Variants in CD276 observed in about 807,000 individuals in gnomAD.
The protein encoded by CD276 is CD276 molecule.
A neutral mutation model predicts 50.0 loss-of-function variants in CD276; 34 were observed. The ratio of observed to expected loss-of-function variants is 0.68; its 90% CI spans 0.52 to 0.91. CD276 has a LOEUF of 0.91. CD276 is among the 40% of genes least tolerant of loss of function. The probability of loss-of-function intolerance (pLI) is 0.00; values close to 1 mark genes in which losing one functional copy is unlikely to be tolerated. For synonymous variants in CD276, 275 were observed against 313.0 expected, an observed-to-expected ratio of 0.88 and a Z score of 1.28; for missense variants, 634 against 717.5, an observed-to-expected ratio of 0.88 and a Z score of 1.33.
At chr15:73,694,658 C>T (rs910123738) in intron 1 of CD276, among the ~76,000 whole-genome samples, 8 of 152,018 alleles carry the variant, frequency 5.3e-5, no homozygotes, top group African/African-American at 1.9e-4. Flanking sequence ...CACACCACAT[C>T]TATGTTCCAG....
At chr15:73,702,710 A>C (rs535801324) in intron 3 of CD276, 62 bp from the exon 4 acceptor site, 1 of 1,574,486 alleles carries the variant, frequency 6.4e-7, no homozygotes, top group Non-Finnish European at 8.6e-7. Flanking sequence ...ACTCAGCCCC[A>C]TGCATCCTTT....
At chr15:73,707,525 C>T (rs1567022508) in intron 6 of CD276, among the ~76,000 whole-genome samples, 1 of 152,180 alleles carries the variant, frequency 6.6e-6, no homozygotes, top group African/African-American at 2.4e-5. Flanking sequence ...AACTCCAAGC[C>T]CTCACTCCAG....
chr15:73,697,326 G>A (rs1240270725), intron 1 of CD276, among the ~76,000 whole-genome samples: 2 of 151,620 alleles, frequency 1.3e-5, no homozygotes, highest in African/African-American at 4.8e-5. Flanking sequence ...TTGGCTGAGG[G>A]ACTCCCTTGG....
rs770337086 is a variant in CD276, at chr15:73,711,130, T to G, written c.1547-5T>G. 6.2e-6 allele frequency: 10 copies of G among 1,614,070 alleles called. No homozygotes were observed. The highest frequency in any genetic ancestry group is 1.1e-5 in the South Asian group (1 of 91,088). On this transcript the variant is annotated splice_polypyrimidine_tract_variant and splice_region_variant and intron_variant, in intron 8 of 9. Coordinates refer to ENST00000318443, the MANE Select transcript of CD276 (RefSeq NM_001024736.2). ...CTCACCGTGTGCGCCTTCCTTTTTT[T>G]ACAGCCCTGCAGCCTCTGAAACACT...
At chr15:73,707,329 G>A (rs79271524) in intron 6 of CD276, among the ~76,000 whole-genome samples, 5,927 of 152,294 alleles carry the variant, frequency 0.039, 403 homozygotes, top group African/African-American at 0.14. Context: ...TGCAGGGGCT[G>A]GGCTAGAGGA....
At chr15:73,697,430 G>C (rs1168605303) in intron 1 of CD276, among the ~76,000 whole-genome samples, 1 of 152,054 alleles carries the variant, frequency 6.6e-6, no homozygotes, top group African/African-American at 2.4e-5. Context: ...TGGGCGCCTG[G>C]AATGGAATTG....
At chr15:73,700,412 G>C (rs949609058) in intron 2 of CD276, among the ~76,000 whole-genome samples, 1 of 152,232 alleles carries the variant, frequency 6.6e-6, no homozygotes, top group Admixed American at 6.5e-5. Flanking sequence ...CCGTGGGGAA[G>C]ACAAAGCTGA....
rs138193850 is a variant in CD276, at chr15:73,687,039, G to A, written c.-55+2579G>A. Among the ~76,000 whole-genome samples, 1,780 of 152,250 alleles carry A rather than the reference G, an allele frequency of 0.012. 14 individuals carry two copies. The highest frequency in any genetic ancestry group is 0.044 in the Middle Eastern group (13 of 294). ...GAGGGCACACCCAGGGCCTAGGGGA[G>A]GGGGAGAGGGGTGAGGACTGGTCCA... On this transcript the variant is annotated intron_variant, in intron 1 of 9. Coordinates refer to ENST00000318443, the MANE Select transcript of CD276 (RefSeq NM_001024736.2). The surrounding 1 kb of genome is among the most constrained non-coding windows in gnomAD (Gnocchi z 4.0).
At chr15:73,711,290 C>G in intron 9 of CD276, 120 bp downstream of exon 9, 1 of 1,054,390 alleles carries the variant, frequency 9.5e-7, no homozygotes, top group Non-Finnish European at 1.4e-6. Context: ...TGCAGAAGAG[C>G]AGCCTCAACT....
intron 2 of CD276, 52 bp downstream of exon 2, chr15:73,699,770 T>G (rs759036845): frequency 2.0e-6 from 3 of 1,525,542 alleles, no homozygotes; most frequent in Non-Finnish European, 8.8e-7. Context: ...TTGTGGCAGT[T>G]GGGGAGGGGG....
rs776603714 is a variant in CD276 at position 73,708,434 on chromosome 15, T to C, written c.1465T>C (p.Trp489Arg). 6.2e-7 allele frequency: 1 copy of C among 1,614,000 alleles called. No homozygotes were observed. The highest frequency in any genetic ancestry group is 1.1e-5 in the South Asian group (1 of 91,028). ...ALLVALAFVC[W>R]RKIKQSCEEE... ...GCTGGTGGCCCTGGCTTTCGTGTGC[T>C]GGAGAAAGATCAAACAGAGCTGTGA... Residue 489 changes from tryptophan to arginine, a missense_variant, in exon 7 of 10, where the codon TGG becomes CGG. Trp to Arg is a moderately radical substitution (Grantham distance 101). Coordinates refer to ENST00000318443, the MANE Select transcript of CD276 (RefSeq NM_001024736.2).
chr15:73,694,280 C>T (rs1048890574), intron 1 of CD276, among the ~76,000 whole-genome samples: 7 of 152,208 alleles, frequency 4.6e-5, no homozygotes, highest in Non-Finnish European at 8.8e-5. Context: ...TCACTTCTAC[C>T]CTTGACATTT....
chr15:73,703,688 C>T lies in CD276; in HGVS notation c.763C>T (p.Pro255Ser), dbSNP rs1483997196. 1 of 1,612,454 alleles carries T rather than the reference C, an allele frequency of 6.2e-7. No individual in the cohort carries two copies. Among genetic ancestry groups the T allele is most frequent in the African/African-American group, 1.3e-5 (1 of 74,876 alleles). ...GAVEVQVPED[P>S]VVALVGTDAT... Reference sequence around the variant, plus strand: ...CGTGGAGGTCCAGGTCCCTGAGGACCCGGTGGTGGCCCTAGTGGGCACCGA... The same window carrying T: ...CGTGGAGGTCCAGGTCCCTGAGGACTCGGTGGTGGCCCTAGTGGGCACCGA... The change falls in exon 5 of 10, where the codon CCG (proline) becomes TCG (serine). Residue 255 changes from proline to serine, a missense_variant. Transcript: ENST00000318443.
intron 1 of CD276, among the ~76,000 whole-genome samples, chr15:73,692,165 C>T (rs186380244): frequency 1.3e-4 from 20 of 152,260 alleles, no homozygotes; most frequent in Admixed American, 6.5e-4. Flanking sequence ...CTGTCCCCTC[C>T]GCCAGATAGC....
intron 1 of CD276, among the ~76,000 whole-genome samples, chr15:73,689,994 A>T (rs1899926997): frequency 6.6e-6 from 1 of 152,212 alleles, no homozygotes; most frequent in Non-Finnish European, 1.5e-5. Context: ...AAAAGAATTT[A>T]CATGTTCATA....
intron 1 of CD276, among the ~76,000 whole-genome samples, chr15:73,692,886 C>A (rs1020690714): frequency 6.6e-6 from 1 of 152,226 alleles, no homozygotes; most frequent in Non-Finnish European, 1.5e-5. Flanking sequence ...TAATCCTTGA[C>A]AAAGTCCTGG....
intron 2 of CD276, among the ~76,000 whole-genome samples, chr15:73,701,868 G>C (rs1900403183): frequency 1.3e-5 from 2 of 152,230 alleles, no homozygotes; most frequent in African/African-American, 4.8e-5. Context: ...TGCACATGGT[G>C]CAGGCAGGTG....
intron 1 of CD276, chr15:73,686,434 T>G (rs1899766350): frequency 2.1e-5 from 5 of 237,264 alleles, no homozygotes; most frequent in Non-Finnish European, 3.4e-5. Flanking sequence ...GAATGTCTCA[T>G]GTTCATATAC....
chr15:73,705,557 C>T (rs1242846949), intron 6 of CD276, among the ~76,000 whole-genome samples: 1 of 152,080 alleles, frequency 6.6e-6, no homozygotes, highest in Admixed American at 6.6e-5. Flanking sequence ...GAAAACACTC[C>T]CTTCCTGTGC....
Sources: gnomAD v4.1 joint callset for allele counts (sites outside exome capture counted in the v4.1 genomes callset) on GRCh38, gnomAD v4.1.1 for gene constraint, Gnocchi (gnomAD v3.1) non-coding constraint, MANE v1.5 for transcripts, NCBI Gene and HGNC (gene_info 2026-07-23, HGNC 2026-07-21) for gene names.